Variants in NXPH1 observed in about 807,000 individuals in gnomAD.
NXPH1 encodes the protein neurexophilin-1.
Under a neutral mutation model 23.7 loss-of-function variants are expected in NXPH1, and 5 were observed. The observed-to-expected ratio is 0.21, with a 90% confidence interval of 0.11 to 0.44. The LOEUF (loss-of-function observed/expected upper bound fraction) is 0.44, where lower values mean the gene tolerates loss of function less well. Ranked by LOEUF, NXPH1 falls within the 20% of genes least tolerant of loss-of-function variation. The pLI is 0.99. For missense variants in NXPH1, 324 were observed against 321.6 expected (o/e 1.01, Z -0.06); for synonymous variants, 144 against 122.2 (o/e 1.18, Z -1.18).
intron 2 of NXPH1, among the ~76,000 whole-genome samples, chr7:8,562,230 T>C (rs1267772752): frequency 6.6e-6 from 1 of 151,696 alleles, no homozygotes; most frequent in Non-Finnish European, 1.5e-5. Flanking sequence ...TCCCAAGAGA[T>C]TGAAGAGGCT....
At chr7:8,497,535 C>A (rs1463814487) in intron 2 of NXPH1, among the ~76,000 whole-genome samples, 1 of 152,108 alleles carries the variant, frequency 6.6e-6, no homozygotes, top group East Asian at 1.9e-4. Flanking sequence ...TGTTTCCTGA[C>A]TTTTTAATGA....
intron 2 of NXPH1, among the ~76,000 whole-genome samples, chr7:8,711,289 T>C (rs376753203): frequency 2.2e-4 from 34 of 152,348 alleles, no homozygotes; most frequent in Admixed American, 1.1e-3. Context: ...GTTTTCTTTT[T>C]GAAGTCAGTA....
intron 2 of NXPH1, among the ~76,000 whole-genome samples, chr7:8,717,757 T>A (rs1293336124): frequency 3.9e-5 from 6 of 152,180 alleles, no homozygotes; most frequent in Admixed American, 3.9e-4. Context: ...AGTTTAATAA[T>A]GACAAACTTC....
intron 2 of NXPH1, among the ~76,000 whole-genome samples, chr7:8,718,879 C>T (rs537429003): frequency 1.2e-4 from 18 of 152,288 alleles, no homozygotes; most frequent in African/African-American, 4.3e-4. Flanking sequence ...AGGTGCCGGC[C>T]ATCTACAGCT....
At chr7:8,576,591 C>T (rs1359606632) in intron 2 of NXPH1, among the ~76,000 whole-genome samples, 3 of 151,996 alleles carry the variant, frequency 2.0e-5, no homozygotes, top group Admixed American at 6.6e-5. Context: ...TTCTTTCACA[C>T]GTAGGCTTAG....
chr7:8,610,093 CAG>C (rs1264852882), intron 2 of NXPH1, among the ~76,000 whole-genome samples: 1 of 152,110 alleles, frequency 6.6e-6, no homozygotes, highest in Non-Finnish European at 1.5e-5. Flanking sequence ...AAATTGCTAA[CAG>C]AAATAACTGC....
Position 8,533,888 on chromosome 7 carries a change from T to A in NXPH1, c.54+98121T>A, listed in dbSNP as rs535139050. 3.3e-5 allele frequency among the ~76,000 whole-genome samples: 5 copies of A among 152,210 alleles called. No individual in the cohort carries two copies. The South Asian group carries it at 6.2e-4, about 19-fold the overall frequency. ...TGAGAGGGAATATTTTGAAATTCTT[T>A]CTGTGAGCTCTGTTAGAAGTATGCC... On this transcript the variant is annotated intron_variant, in intron 2 of 2. Coordinates refer to ENST00000405863, the MANE Select transcript of NXPH1 (RefSeq NM_152745.3).
At chr7:8,455,612 GTTA>G (rs200087112) in intron 2 of NXPH1, among the ~76,000 whole-genome samples, 5,708 of 152,250 alleles carry the variant, frequency 0.037, 141 homozygotes, top group Non-Finnish European at 0.053. Context: ...CAGAGAGAAT[GTTA>G]ATTCCCAGAA....
chr7:8,444,649 G>A (rs1164589926), intron 2 of NXPH1, among the ~76,000 whole-genome samples: 1 of 152,176 alleles, frequency 6.6e-6, no homozygotes, highest in Non-Finnish European at 1.5e-5. Context: ...TAGTACTTAG[G>A]GTTAACTGAG....
At chr7:8,710,640 G>GGTTTTTTTTTTTTTTTT (rs1376868557) in intron 2 of NXPH1, among the ~76,000 whole-genome samples, 2 of 27,672 alleles carry the variant, frequency 7.2e-5, no homozygotes. Flanking sequence ...CAACTGTTAC[G>GGTTTTTTTTTTTTTTTT]TTTTTTGTTT....
At chr7:8,637,220 T>C (rs1025064899) in intron 2 of NXPH1, among the ~76,000 whole-genome samples, 3 of 150,224 alleles carry the variant, frequency 2.0e-5, no homozygotes, top group Admixed American at 6.7e-5. Flanking sequence ...CTGCTGGGAC[T>C]GACTCTTTTT....
chr7:8,633,039 C>T (rs527727933), intron 2 of NXPH1, among the ~76,000 whole-genome samples: 48 of 152,282 alleles, frequency 3.2e-4, no homozygotes, highest in Middle Eastern at 3.4e-3. Flanking sequence ...TGAAATTTTA[C>T]AAATATTATC....
At chr7:8,744,228 A>T (rs7805069) in intron 2 of NXPH1, among the ~76,000 whole-genome samples, 23,576 of 152,230 alleles carry the variant, frequency 0.15, 1,957 homozygotes, top group South Asian at 0.21. Flanking sequence ...ATGTTTCTGA[A>T]ACAATGAGAC....
chr7:8,451,576 A>G (rs1816507523), intron 2 of NXPH1, among the ~76,000 whole-genome samples: 1 of 152,250 alleles, frequency 6.6e-6, no homozygotes. Flanking sequence ...TTTGTTTGAT[A>G]GTAAAAAGCA....
At chr7:8,479,351 A>AT (rs1359205183) in intron 2 of NXPH1, among the ~76,000 whole-genome samples, 2 of 152,110 alleles carry the variant, frequency 1.3e-5, no homozygotes, top group African/African-American at 2.4e-5. Context: ...TAATTATGTG[A>AT]TTTTCTAATT....
At chr7:8,437,232 T>C (rs1816212502) in intron 2 of NXPH1, among the ~76,000 whole-genome samples, 1 of 152,172 alleles carries the variant, frequency 6.6e-6, no homozygotes, top group Non-Finnish European at 1.5e-5. Context: ...ATGCAAAAAG[T>C]GTCCTTCCCA....
At chr7:8,719,027 T>G (rs1779923104) in intron 2 of NXPH1, among the ~76,000 whole-genome samples, 1 of 152,228 alleles carries the variant, frequency 6.6e-6, no homozygotes, top group East Asian at 1.9e-4. Context: ...TGAAATATTT[T>G]TGGTTTCACT....
In NXPH1 at chr7:8,739,171, TAAAAAA is replaced by T. The variant is rs34593997; in HGVS notation, c.55-11809_55-11804del. Among the ~76,000 whole-genome samples the T allele has an allele frequency of 2.2e-3, 118 of 54,042 alleles. 1 individual carries two copies. The highest frequency in any genetic ancestry group is 7.6e-3 in the African/African-American group (99 of 13,088). 35.5% of individuals were successfully genotyped at this position (54,042 alleles called of 152,430 possible). ...ACTGGAGTTCCAGGCACCAGTGGGG[TAAAAAA>T]AAAAAAAAAAAAAAAAAAAAAAAAA... On this transcript the variant is annotated intron_variant, in intron 2 of 2. Coordinates refer to ENST00000405863, the MANE Select transcript of NXPH1 (RefSeq NM_152745.3).
intron 2 of NXPH1, among the ~76,000 whole-genome samples, chr7:8,706,993 A>G (rs1351385377): frequency 6.6e-6 from 1 of 152,262 alleles, no homozygotes; most frequent in Non-Finnish European, 1.5e-5. Context: ...AGACTTCACC[A>G]GTACACAATA....
Sources: allele counts gnomAD v4.1 joint callset (sites outside exome capture counted in the v4.1 genomes callset), GRCh38; gene constraint gnomAD v4.1.1; transcripts MANE v1.5; gene names NCBI Gene and HGNC (gene_info 2026-07-23, HGNC 2026-07-21).